Variants in COL4A6 observed in about 807,000 individuals in gnomAD.
The protein encoded by COL4A6 is collagen type IV alpha 6 chain.
A neutral mutation model predicts 126.7 loss-of-function variants in COL4A6; 59 were observed. The observed-to-expected ratio is 0.47, with a 90% CI of 0.38 to 0.58. The LOEUF is 0.58. COL4A6 is among the 20% of genes least tolerant of loss of function. COL4A6 has a pLI of 0.00. For missense variants in COL4A6, 1,285 were observed against 1,337.3 expected (o/e 0.96, Z 0.61); for synonymous variants, 547 against 496.6 (o/e 1.10, Z -1.35).
intron 3 of COL4A6, among the ~76,000 whole-genome samples, chrX:108,297,819 T>C (rs1228281594): frequency 3.6e-5 from 4 of 110,534 alleles, no homozygotes; most frequent in African/African-American, 6.6e-5. Context: ...GTGTTCCTGC[T>C]CACAAGTTCC....
At chrX:108,369,032 A>G (rs1168485354) in intron 2 of COL4A6, among the ~76,000 whole-genome samples, 1 of 112,221 alleles carries the variant, frequency 8.9e-6, no homozygotes, top group African/African-American at 3.2e-5. Flanking sequence ...TATAGTAAAT[A>G]CGAAAACCAG....
At chrX:108,213,407 C>T (rs1168232893) in intron 6 of COL4A6, among the ~76,000 whole-genome samples, 2 of 111,833 alleles carry the variant, frequency 1.8e-5, no homozygotes, top group African/African-American at 3.3e-5. Flanking sequence ...AATATCTGAG[C>T]CCTATCTGGA....
At chrX:108,190,760 G>T (rs2035015352) in intron 19 of COL4A6, among the ~76,000 whole-genome samples, 1 of 112,403 alleles carries the variant, frequency 8.9e-6, no homozygotes, top group South Asian at 3.7e-4. Flanking sequence ...TTAGAGGAAT[G>T]AACAAGGTAG....
chrX:108,317,027 A>G (rs2038895955), intron 2 of COL4A6, among the ~76,000 whole-genome samples: 1 of 112,628 alleles, frequency 8.9e-6, no homozygotes, highest in Non-Finnish European at 1.9e-5. Context: ...TCAAGCTGCC[A>G]TGTGAACTGT....
At chrX:108,429,292 A>G (rs1367783366) in intron 2 of COL4A6, among the ~76,000 whole-genome samples, 1 of 112,272 alleles carries the variant, frequency 8.9e-6, no homozygotes, top group South Asian at 3.7e-4. Flanking sequence ...TTTCTGGGAA[A>G]TAAGTGTTTT....
chrX:108,168,820 T>C (rs2034208781), intron 37 of COL4A6, among the ~76,000 whole-genome samples: 1 of 111,940 alleles, frequency 8.9e-6, no homozygotes, highest in South Asian at 3.8e-4. Context: ...CATGATGCTA[T>C]GGTGAATTCA....
At chrX:108,219,670 T>C in intron 5 of COL4A6, 28 bp downstream of exon 5, 2 of 1,190,877 alleles carry the variant, frequency 1.7e-6, no homozygotes, top group Non-Finnish European at 2.3e-6. Flanking sequence ...AAGGAGGATA[T>C]GAAAAATTCA....
chrX:108,242,577 T>C (rs1288428977), intron 3 of COL4A6, among the ~76,000 whole-genome samples: 1 of 112,362 alleles, frequency 8.9e-6, no homozygotes, highest in Non-Finnish European at 1.9e-5. Context: ...GAGTGAAATC[T>C]ATAGCCTGAA....
chrX:108,265,233 TA>T (rs1433316702), intron 3 of COL4A6, among the ~76,000 whole-genome samples: 1 of 110,986 alleles, frequency 9.0e-6, no homozygotes, highest in Non-Finnish European at 1.9e-5. Context: ...CATAATGATC[TA>T]GGGGGGGCTT....
chrX:108,179,522 T>C, intron 25 of COL4A6, 84 bp from the exon 26 acceptor site: 1 of 741,068 alleles, frequency 1.3e-6, no homozygotes, highest in Non-Finnish European at 2.0e-6. Flanking sequence ...CAGATTTTTC[T>C]AATATGAAAG....
Position 108,179,175 on chromosome X carries a change from G to A in COL4A6, c.2353+42C>T, listed in dbSNP as rs752131708. ...ATGGAAGTATACGAATTAATATAAG[G>A]CTTTCTGTAGATTGTTAAATAATTG... On this transcript the variant is annotated intron_variant, in intron 26 of 44. Transcript: ENST00000334504. 11 of 1,128,123 alleles carry A rather than the reference G, an allele frequency of 9.8e-6. No individual in the cohort carries two copies. In the Admixed American group the frequency reaches 1.3e-4, roughly 14 times the overall value. 93.0% of individuals were successfully genotyped at this position (1,128,123 alleles called of 1,213,427 possible). A position where few individuals can be genotyped will look rare whatever the true frequency, so the allele number is the denominator to read the frequency against.
chrX:108,261,977 A>T, intron 3 of COL4A6, among the ~76,000 whole-genome samples: 1 of 112,027 alleles, frequency 8.9e-6, no homozygotes, highest in Non-Finnish European at 1.9e-5. Context: ...GTCACTGGAT[A>T]ACCAACTCTT....
chrX:108,384,758 ATTTT>A (rs2040645448), intron 2 of COL4A6, among the ~76,000 whole-genome samples: 4 of 112,365 alleles, frequency 3.6e-5, no homozygotes, highest in Admixed American at 9.5e-5. Flanking sequence ...AACTGCTCTC[ATTTT>A]AAGATGAGGA....
At chrX:108,298,523 G>A (rs1336112253) in intron 3 of COL4A6, among the ~76,000 whole-genome samples, 1 of 111,624 alleles carries the variant, frequency 9.0e-6, no homozygotes, top group Non-Finnish European at 1.9e-5. Context: ...GGGTGATGGC[G>A]CTGCAGGGAT....
At chrX:108,439,424 C>T (rs1239925522), upstream of COL4A6, 6 of 690,745 alleles carry the variant, frequency 8.7e-6, no homozygotes, top group Non-Finnish European at 1.2e-5. Context: ...TGTAGAAACT[C>T]TCTGTTCTGT....
intron 2 of COL4A6, among the ~76,000 whole-genome samples, chrX:108,403,876 A>C (rs1432036374): frequency 9.0e-6 from 1 of 111,645 alleles, no homozygotes; most frequent in African/African-American, 3.3e-5. Flanking sequence ...GTATATCTAA[A>C]TTGGGGATTT....
intron 23 of COL4A6, chrX:108,183,590 C>A (rs1602746199): frequency 2.8e-6 from 1 of 352,515 alleles, no homozygotes; most frequent in Non-Finnish European, 4.4e-6. Context: ...CAGCCTTAGA[C>A]TCCCCACTCC....
At chrX:108,194,073 G>A (rs1298305387) in intron 16 of COL4A6, among the ~76,000 whole-genome samples, 1 of 112,481 alleles carries the variant, frequency 8.9e-6, no homozygotes, top group African/African-American at 3.2e-5. Context: ...CACAACCCTT[G>A]TTAGTGGATG....
At chrX:108,369,839 A>T (rs1162393119) in intron 2 of COL4A6, among the ~76,000 whole-genome samples, 1 of 112,339 alleles carries the variant, frequency 8.9e-6, no homozygotes, top group Non-Finnish European at 1.9e-5. Context: ...CAACTTCTCA[A>T]CTCTGCTGTT....
Sources: allele counts gnomAD v4.1 joint callset (sites outside exome capture counted in the v4.1 genomes callset), GRCh38; gene constraint gnomAD v4.1.1; transcripts MANE v1.5; gene names NCBI Gene and HGNC (gene_info 2026-07-23, HGNC 2026-07-21).